Variants in PPP1R17 observed in about 807,000 individuals in gnomAD.
PPP1R17 encodes protein phosphatase 1 regulatory subunit 17, also known as G-substrate.
In PPP1R17, 12 loss-of-function variants were observed where a neutral mutation model predicts 15.9. The observed-to-expected ratio is 0.75, with a 90% CI of 0.48 to 1.22. PPP1R17 has a LOEUF of 1.22. Among genes scored for constraint, PPP1R17 ranks in the 50% most tolerant of loss-of-function variants. The probability of loss-of-function intolerance (pLI) is 0.00; values close to 1 mark genes in which losing one functional copy is unlikely to be tolerated. For synonymous variants in PPP1R17, 63 were observed against 64.5 expected, an observed-to-expected ratio of 0.98 and a Z score of 0.11; for missense variants, 211 against 187.3, an observed-to-expected ratio of 1.13 and a Z score of -0.74.
At position 31,705,986 on chromosome 7, in the gene PPP1R17, A is replaced by ATTTTTTTTTTTTTTTT. The variant is rs550189867; in HGVS notation, c.389-1197_389-1182dup. ...GACTTCTGAATTTCACAGACCAGTA[A>ATTTTTTTTTTTTTTTT]TTTTTTTTTTTTTTTTTTTTTTTTT... On this transcript the variant is annotated intron_variant, in intron 4 of 4. Transcript: ENST00000342032. Among the ~76,000 whole-genome samples the ATTTTTTTTTTTTTTTT allele has an allele frequency of 3.0e-4, 16 of 52,514 alleles. 4 individuals are homozygous for ATTTTTTTTTTTTTTTT. Among genetic ancestry groups the ATTTTTTTTTTTTTTTT allele is most frequent in the African/African-American group, 8.3e-4 (11 of 13,282 alleles). The allele number at this position is 52,514 out of a possible 152,430, so 34.5% of individuals were successfully genotyped here. A position where few individuals can be genotyped will look rare whatever the true frequency, so the allele number is the denominator to read the frequency against.
At chr7:31,704,440 GCAGC>G (rs1412280177) in intron 4 of PPP1R17, among the ~76,000 whole-genome samples, 1 of 152,208 alleles carries the variant, frequency 6.6e-6, no homozygotes, top group African/African-American at 2.4e-5. Flanking sequence ...GCTCTTACAA[GCAGC>G]CAAGTTCCCT....
At position 31,696,961 on chromosome 7, in the gene PPP1R17, G is replaced by A. The variant is rs751754909; in HGVS notation, c.236-4G>A. On this transcript the variant is annotated splice_polypyrimidine_tract_variant and splice_region_variant and intron_variant, in intron 3 of 4. Transcript: ENST00000342032. ...TTTCTCTCTGTGTTCCCCTAACCAT[G>A]CAGGTGTGTTTTCAGAACATTTAAT... 15 of 1,613,674 alleles carry A rather than the reference G, an allele frequency of 9.3e-6. No individual in the cohort carries two copies. The highest frequency in any genetic ancestry group is 1.2e-5 in the Non-Finnish European group (14 of 1,179,822).
intron 1 of PPP1R17, among the ~76,000 whole-genome samples, chr7:31,688,166 A>G (rs952146471): frequency 1.3e-5 from 2 of 152,184 alleles, no homozygotes; most frequent in African/African-American, 2.4e-5. Flanking sequence ...TCGGGACTCC[A>G]TGCACATTCT....
chr7:31,692,470 T>C lies in PPP1R17; in HGVS notation c.29T>C (p.Leu10Pro), dbSNP rs36047130. 3.1e-6 allele frequency: 5 copies of C among 1,611,966 alleles called. No individual in the cohort carries two copies. Among genetic ancestry groups the C allele is most frequent in the Non-Finnish European group, 4.2e-6 (5 of 1,178,194 alleles). ...ATGTCCACTGAGCAAATGCAGCCAC[T>C]GGAACTCTCAGAAGACAGACTGGAC... MMSTEQMQP[L>P]ELSEDRLDKL... The change falls in exon 2 of 5, where the codon CTG becomes CCG. Residue 10 changes from leucine to proline, a missense_variant. Physicochemically the swap from Leu to Pro is moderately conservative, Grantham distance 98. Coordinates refer to ENST00000342032, the MANE Select transcript of PPP1R17 (RefSeq NM_006658.5).
chr7:31,688,957 A>G (rs1792221360), intron 1 of PPP1R17, among the ~76,000 whole-genome samples: 1 of 152,252 alleles, frequency 6.6e-6, no homozygotes, highest in African/African-American at 2.4e-5. Context: ...TTTGGTAGCA[A>G]AGCCTGACCT....
chr7:31,694,794 G>A (rs547249335), intron 2 of PPP1R17, among the ~76,000 whole-genome samples: 14 of 152,112 alleles, frequency 9.2e-5, no homozygotes, highest in African/African-American at 3.1e-4. Flanking sequence ...TACCCGTAAC[G>A]ACTTCTGATA....
chr7:31,689,785 C>T (rs529482337), intron 1 of PPP1R17, among the ~76,000 whole-genome samples: 1 of 152,302 alleles, frequency 6.6e-6, no homozygotes, highest in South Asian at 2.1e-4. Context: ...GTAATGACAT[C>T]ATTCATGATA....
intron 4 of PPP1R17, among the ~76,000 whole-genome samples, chr7:31,706,381 A>G (rs1331662505): frequency 6.6e-6 from 1 of 152,212 alleles, no homozygotes; most frequent in Admixed American, 6.5e-5. Context: ...ATAAGGTTGC[A>G]TTTCAAAAAC....
intron 2 of PPP1R17, among the ~76,000 whole-genome samples, chr7:31,694,355 A>G (rs1792479104): frequency 7.1e-6 from 1 of 141,340 alleles, no homozygotes; most frequent in Non-Finnish European, 1.5e-5. Context: ...CTTTGCAAAC[A>G]TTAACAATTT....
intron 2 of PPP1R17, 58 bp downstream of exon 2, chr7:31,692,581 G>A: frequency 6.6e-7 from 1 of 1,508,442 alleles, no homozygotes; most frequent in African/African-American, 1.4e-5. Context: ...AGGCGTCTCA[G>A]CCATTTGGTT....
chr7:31,703,976 A>G (rs1162985237), intron 4 of PPP1R17, among the ~76,000 whole-genome samples: 1 of 152,212 alleles, frequency 6.6e-6, no homozygotes. Context: ...GGCAGAAAGC[A>G]TTGGTTCTGA....
chr7:31,697,701 G>A (rs996362288), intron 4 of PPP1R17, among the ~76,000 whole-genome samples: 11 of 152,188 alleles, frequency 7.2e-5, no homozygotes, highest in Admixed American at 5.9e-4. Context: ...GACTCTGTGT[G>A]TATGTGTGTA....
At chr7:31,701,524 TA>T (rs1792848059) in intron 4 of PPP1R17, among the ~76,000 whole-genome samples, 1 of 152,376 alleles carries the variant, frequency 6.6e-6, no homozygotes, top group African/African-American at 2.4e-5. Flanking sequence ...GAATATTATG[TA>T]AACTTAGTTT....
chr7:31,698,079 A>G (rs1281174585), intron 4 of PPP1R17, among the ~76,000 whole-genome samples: 1 of 152,224 alleles, frequency 6.6e-6, no homozygotes, highest in Non-Finnish European at 1.5e-5. Context: ...ACCTTTGGGC[A>G]GTTTTTCACT....
intron 4 of PPP1R17, among the ~76,000 whole-genome samples, chr7:31,700,170 C>T (rs923736224): frequency 2.0e-5 from 3 of 152,108 alleles, no homozygotes; most frequent in South Asian, 2.1e-4. Flanking sequence ...CTTGTACCAA[C>T]GAGTTAGCCA....
chr7:31,698,800 A>G (rs945129388), intron 4 of PPP1R17, among the ~76,000 whole-genome samples: 7 of 152,214 alleles, frequency 4.6e-5, no homozygotes, highest in African/African-American at 1.7e-4. Context: ...TAGATTTCCA[A>G]GGTGCACAGG....
chr7:31,690,507 A>G (rs1222161210), intron 1 of PPP1R17, among the ~76,000 whole-genome samples: 1 of 152,150 alleles, frequency 6.6e-6, no homozygotes, highest in Non-Finnish European at 1.5e-5. Context: ...GAGGGGGCAA[A>G]AATGATTCTA....
intron 1 of PPP1R17, among the ~76,000 whole-genome samples, 180 bp downstream of exon 1, chr7:31,687,486 G>A (rs1792150716): frequency 1.3e-5 from 2 of 152,206 alleles, no homozygotes; most frequent in African/African-American, 4.8e-5. Context: ...TTCTTCCAAG[G>A]GAGGGAATGG....
rs1792383132 is a variant in PPP1R17, at chr7:31,692,151, G to C, written c.-36-255G>C. On this transcript the variant is annotated intron_variant, in intron 1 of 4. Coordinates refer to ENST00000342032, the MANE Select transcript of PPP1R17 (RefSeq NM_006658.5). ...AAACTCTCAATGTGTCTCTGAGAGA[G>C]GGCAAATATTGGACATTTGATACAT... Among the ~76,000 whole-genome samples the C allele has an allele frequency of 2.0e-5, 3 of 152,246 alleles. No homozygotes were observed. The South Asian group carries it at 6.2e-4, about 32-fold the overall frequency.
Sources: gnomAD v4.1 joint callset for allele counts (sites outside exome capture counted in the v4.1 genomes callset) on GRCh38, gnomAD v4.1.1 for gene constraint, MANE v1.5 for transcripts, NCBI Gene and HGNC (gene_info 2026-07-23, HGNC 2026-07-21) for gene names.